The following SLC20A2 variants were observed in gnomAD, a reference collection of about 807,000 sequenced individuals.
SLC20A2 encodes the protein solute carrier family 20 member 2.
In SLC20A2, 30 loss-of-function variants were observed where a neutral mutation model predicts 61.0. The observed-to-expected ratio is 0.49, with a 90% CI of 0.37 to 0.67. The LOEUF is 0.67. Ranked by LOEUF, SLC20A2 falls within the 30% of genes least tolerant of loss-of-function variation. SLC20A2 has a pLI of 0.00. For missense variants in SLC20A2, 626 were observed against 866.4 expected, an observed-to-expected ratio of 0.72 and a Z score of 3.48; for synonymous variants, 351 against 353.3, an observed-to-expected ratio of 0.99 and a Z score of 0.07.
chr8:42,452,148 G>A, intron 5 of SLC20A2, among the ~76,000 whole-genome samples: 1 of 144,444 alleles, frequency 6.9e-6, no homozygotes, highest in Non-Finnish European at 1.5e-5. Flanking sequence ...GAGATGAAGA[G>A]GAGGAGGAAG....
In SLC20A2 at chr8:42,521,166, T is replaced by C. The variant is rs1402705452; in HGVS notation, c.-265+20655A>G. On this transcript the variant is annotated intron_variant, in intron 1 of 10. Transcript: ENST00000342228. ...AGAAAAACCCGTACACAAATGTTCA[T>C]AGCAACACTATTTGTAAAAACAAAA... 1.6e-5 allele frequency among the ~76,000 whole-genome samples: 2 copies of C among 121,770 alleles called. 1 individual carries two copies. The highest frequency in any genetic ancestry group is 5.1e-5 in the African/African-American group (2 of 39,544). The allele number at this position is 121,770 out of a possible 152,430, so 79.9% of individuals were successfully genotyped here.
intron 1 of SLC20A2, among the ~76,000 whole-genome samples, chr8:42,499,747 T>C (rs536833399): frequency 8.5e-5 from 13 of 152,202 alleles, no homozygotes; most frequent in Non-Finnish European, 1.3e-4. Context: ...ATATATATTA[T>C]GAAGGATTAC....
chr8:42,515,588 C>T (rs1374460776), intron 1 of SLC20A2, among the ~76,000 whole-genome samples: 2 of 152,080 alleles, frequency 1.3e-5, no homozygotes, highest in Non-Finnish European at 2.9e-5. Flanking sequence ...ACCAGGGTCA[C>T]ACAGCCACTA....
chr8:42,436,944 G>A (rs1445310677), intron 8 of SLC20A2, 45 bp downstream of exon 8: 4 of 1,525,176 alleles, frequency 2.6e-6, no homozygotes, highest in Admixed American at 3.9e-5. Flanking sequence ...GGCCCCTGGC[G>A]GAGCCTCAAG....
rs754342907 is a variant in SLC20A2, at chr8:42,527,103, C to CAAA, written c.-265+14715_-265+14717dup. The stretch of plus-strand genomic sequence containing the variant: ...TGAGTAACAGAGTAAGAGCCTGTCT[C>CAAA]AAAAAAAAAAAAAAAAAGTGGGCCG... On this transcript the variant is annotated intron_variant, in intron 1 of 10. Transcript: ENST00000342228. Among the ~76,000 whole-genome samples the CAAA allele has an allele frequency of 5.8e-4, 66 of 114,546 alleles. No homozygotes were observed. In the East Asian group the frequency reaches 7.8e-3, roughly 14 times the overall value. 75.1% of individuals were successfully genotyped at this position (114,546 alleles called of 152,430 possible). A position where few individuals can be genotyped will look rare whatever the true frequency, so the allele number is the denominator to read the frequency against.
chr8:42,533,255 T>C (rs1398951230), intron 1 of SLC20A2, among the ~76,000 whole-genome samples: 1 of 152,176 alleles, frequency 6.6e-6, no homozygotes, highest in Non-Finnish European at 1.5e-5. Context: ...CCATAACAGC[T>C]GAAAACAATG....
intron 1 of SLC20A2, among the ~76,000 whole-genome samples, chr8:42,476,983 T>TAAAC (rs59211042): frequency 0.026 from 3,900 of 152,256 alleles, 177 homozygotes; most frequent in African/African-American, 0.089. Flanking sequence ...TGGTTACATG[T>TAAAC]AAACGCAAAG....
At chr8:42,445,929 T>C (rs1805179710) in intron 5 of SLC20A2, among the ~76,000 whole-genome samples, 1 of 152,172 alleles carries the variant, frequency 6.6e-6, no homozygotes, top group South Asian at 2.1e-4. Flanking sequence ...ACACAGAACT[T>C]CTTTGAAATC....
intron 1 of SLC20A2, among the ~76,000 whole-genome samples, chr8:42,499,409 C>G (rs138946396): frequency 6.6e-6 from 1 of 152,272 alleles, no homozygotes; most frequent in Non-Finnish European, 1.5e-5. Context: ...TCTCACTCAC[C>G]GCTGCCACTC....
chr8:42,452,164 GAGGAGGAGGAGGAAGAGAT>G (rs1805765462), intron 5 of SLC20A2, among the ~76,000 whole-genome samples: 1 of 137,012 alleles, frequency 7.3e-6, no homozygotes, highest in Non-Finnish European at 1.6e-5. Flanking sequence ...GGAAGAGATG[GAGGAGGAGGAGGAAGAGAT>G]AGGAGGAGGA....
intron 1 of SLC20A2, among the ~76,000 whole-genome samples, chr8:42,531,903 C>G (rs1237285624): frequency 6.6e-6 from 1 of 151,408 alleles, no homozygotes; most frequent in East Asian, 1.9e-4. Flanking sequence ...ACTGCAACCT[C>G]GGCCTCCCGG....
chr8:42,427,112 T>C (rs1279775944), intron 10 of SLC20A2, among the ~76,000 whole-genome samples: 1 of 152,246 alleles, frequency 6.6e-6, no homozygotes, highest in East Asian at 1.9e-4. Flanking sequence ...TTCCCCATGC[T>C]TGCCAGGCGG....
At chr8:42,458,736 T>C (rs941971813) in intron 5 of SLC20A2, among the ~76,000 whole-genome samples, 1 of 151,002 alleles carries the variant, frequency 6.6e-6, no homozygotes, top group Non-Finnish European at 1.5e-5. Context: ...GTGAAACCCC[T>C]GTCTCTACTA....
chr8:42,436,939 C>T, intron 8 of SLC20A2, 50 bp downstream of exon 8: 2 of 1,515,784 alleles, frequency 1.3e-6, no homozygotes, highest in Non-Finnish European at 1.8e-6. Context: ...GCGCTGGCCC[C>T]TGGCGGAGCC....
At chr8:42,471,300 C>G (rs1807619410) in intron 2 of SLC20A2, 1 of 447,600 alleles carries the variant, frequency 2.2e-6, no homozygotes, top group Non-Finnish European at 4.5e-6. Flanking sequence ...TGGGAAGACC[C>G]ACGGGGCCGA....
In SLC20A2 at chr8:42,464,092, CTTTTTTTTTT is replaced by C. The variant is rs1170751054; in HGVS notation, c.431-1012_431-1003del. Among the ~76,000 whole-genome samples the C allele has an allele frequency of 2.5e-3, 52 of 20,552 alleles. 3 individuals are homozygous for C. The highest frequency in any genetic ancestry group is 0.012 in the South Asian group (3 of 250). The allele number at this position is 20,552 out of a possible 152,430, so 13.5% of individuals were successfully genotyped here. On this transcript the variant is annotated intron_variant, in intron 3 of 10. Coordinates refer to ENST00000520262, the MANE Select transcript of SLC20A2 (RefSeq NM_001257180.2). ...CTTCCCAAAGGGCAGGCTGGATGAT[CTTTTTTTTTT>C]TTTTTTTTTTTTTTTTTTTTTGAGA...
chr8:42,467,939 C>T (rs371220135), intron 2 of SLC20A2, among the ~76,000 whole-genome samples: 3 of 148,890 alleles, frequency 2.0e-5, no homozygotes, highest in East Asian at 2.0e-4. Context: ...TTTTTTTAGA[C>T]GGGGTCTTGC....
At position 42,451,428 on chromosome 8, in the gene SLC20A2, T is replaced by C. The variant is rs532925553; in HGVS notation, c.614-6666A>G. On this transcript the variant is annotated intron_variant, in intron 5 of 10. Coordinates refer to ENST00000520262, the MANE Select transcript of SLC20A2 (RefSeq NM_001257180.2). ...ATAGAGGAGAAGGAGTAGGAAGAGA[T>C]GTAAGAGGAGGAGGAAAAGATGGAG... Among the ~76,000 whole-genome samples the C allele has an allele frequency of 6.2e-5, 6 of 96,156 alleles. No individual in the cohort carries two copies. The South Asian group carries it at 2.0e-3, about 31-fold the overall frequency. The allele number at this position is 96,156 out of a possible 152,430, so 63.1% of individuals were successfully genotyped here. A position where few individuals can be genotyped will look rare whatever the true frequency, so the allele number is the denominator to read the frequency against.
Position 42,522,185 on chromosome 8 carries a change from T to A in SLC20A2, c.-265+19636A>T, listed in dbSNP as rs1290585800. ...GCCAGAATAATAGTGAGCAAGCAGT[T>A]ATCACGTCCCAGGTACTAGAGCCTA... is the stretch of plus-strand genomic sequence containing the variant. On this transcript the variant is annotated intron_variant, in intron 1 of 10. Transcript: ENST00000342228. 1.7e-5 allele frequency among the ~76,000 whole-genome samples: 2 copies of A among 120,754 alleles called. 1 individual carries two copies. Among genetic ancestry groups the A allele is most frequent in the Admixed American group, 1.7e-4 (2 of 11,930 alleles). 79.2% of individuals were successfully genotyped at this position (120,754 alleles called of 152,430 possible).
Sources: gnomAD v4.1 joint callset for allele counts (sites outside exome capture counted in the v4.1 genomes callset) on GRCh38, gnomAD v4.1.1 for gene constraint, MANE v1.5 for transcripts, NCBI Gene and HGNC (gene_info 2026-07-23, HGNC 2026-07-21) for gene names.